ADAMTSL2: variants seen among roughly 807,000 people sequenced by gnomAD.
ADAMTSL2 encodes ADAMTS-like protein 2.
A neutral mutation model predicts 117.0 loss-of-function variants in ADAMTSL2; 55 were observed. The observed-to-expected ratio is 0.47, with a 90% CI of 0.38 to 0.59. ADAMTSL2 has a LOEUF of 0.59. ADAMTSL2 is among the 20% of genes least tolerant of loss of function. The pLI, the probability that ADAMTSL2 is intolerant of heterozygous loss-of-function variation, is 0.00. For missense variants in ADAMTSL2, 1,182 were observed against 1,354.5 expected (o/e 0.87, Z 2.00); for synonymous variants, 572 against 566.4 (o/e 1.01, Z -0.14).
intron 9 of ADAMTSL2, among the ~76,000 whole-genome samples, chr9:133,553,797 G>A (rs996267680): frequency 5.3e-5 from 8 of 152,184 alleles, no homozygotes; most frequent in African/African-American, 1.7e-4. Flanking sequence ...GGGAGAAGCC[G>A]GGCTGCCCCA....
At position 133,540,759 on chromosome 9, in the gene ADAMTSL2, A is replaced by T; in HGVS notation, c.558+16A>T. The T allele has an allele frequency of 6.2e-7, 1 of 1,613,748 alleles. No individual in the cohort carries two copies. Among genetic ancestry groups the T allele is most frequent in the Non-Finnish European group, 8.5e-7 (1 of 1,180,032 alleles). ...AAAATGTGAGGTTGTTAAACGTTGT[A>T]GCAAAAGTACCGCCGGTCTCACTGT... On this transcript the variant is annotated intron_variant, in intron 6 of 18. Coordinates refer to ENST00000651351, the MANE Select transcript of ADAMTSL2 (RefSeq NM_014694.4).
At chr9:133,570,289 C>T in intron 16 of ADAMTSL2, 42 bp from the exon 17 acceptor site, 1 of 1,535,078 alleles carries the variant, frequency 6.5e-7, no homozygotes, top group Non-Finnish European at 8.7e-7. Flanking sequence ...TAGGGTCCTG[C>T]TGGGCCCTGG....
At chr9:133,563,594 G>A (rs1830800209) in intron 12 of ADAMTSL2, among the ~76,000 whole-genome samples, 1 of 152,098 alleles carries the variant, frequency 6.6e-6, no homozygotes, top group South Asian at 2.1e-4. Context: ...CGTGGAAGAT[G>A]TCCCCAGGGA....
intron 18 of ADAMTSL2, 70 bp downstream of exon 18, chr9:133,574,057 AG>A: frequency 6.5e-7 from 1 of 1,538,786 alleles, no homozygotes; most frequent in Non-Finnish European, 8.8e-7. Flanking sequence ...TCAGGGCCTG[AG>A]GGGTGAGCAG....
intron 11 of ADAMTSL2, among the ~76,000 whole-genome samples, chr9:133,556,950 A>C (rs1170815987): frequency 3.3e-5 from 5 of 152,126 alleles, no homozygotes; most frequent in African/African-American, 1.2e-4. Context: ...GGGCTACTTT[A>C]AACAGGCAGT....
At chr9:133,566,794 C>T (rs1830984449) in intron 12 of ADAMTSL2, 142 bp from the exon 13 acceptor site, 1 of 1,120,786 alleles carries the variant, frequency 8.9e-7, no homozygotes, top group South Asian at 1.3e-5. Context: ...GCCCTCATGC[C>T]ACAGTTGCAC....
chr9:133,547,107 A>G lies in ADAMTSL2; in HGVS notation c.833A>G (p.Asn278Ser). 6.2e-7 allele frequency: 1 copy of G among 1,613,840 alleles called. No homozygotes were observed. The highest frequency in any genetic ancestry group is 8.5e-7 in the Non-Finnish European group (1 of 1,179,770). Residue 278 changes from asparagine (N) to serine (S), a missense_variant, in exon 9 of 19, where the codon AAC becomes AGC. Asn to Ser is a conservative substitution (Grantham distance 46). Coordinates refer to ENST00000651351, the MANE Select transcript of ADAMTSL2 (RefSeq NM_014694.4). ...NYKVDSPKNF[N>S]IAGTVVKYRR... ...AAGGTGGACAGCCCCAAGAACTTCA[A>G]CATCGCAGGCACGGTGGTCAAGTAC...
Position 133,555,780 on chromosome 9 carries a change from A to G in ADAMTSL2, c.1499A>G (p.Glu500Gly). 2.5e-6 allele frequency: 4 copies of G among 1,613,976 alleles called. No individual in the cohort carries two copies. Among genetic ancestry groups the G allele is most frequent in the Non-Finnish European group, 2.5e-6 (3 of 1,180,022 alleles). The change falls in exon 11 of 19, where the codon GAG (glutamate) becomes GGG (glycine). Residue 500 changes from glutamate (E) to glycine (G), a missense_variant. By Grantham distance (98) the Glu-to-Gly change is moderately conservative. Transcript: ENST00000651351. Reference protein sequence around the residue: ...SLAESFFVDYEENEGAGPYLL... With the variant: ...SLAESFFVDYGENEGAGPYLL... ...GCCGAGAGCTTCTTCGTGGATTATGAGGAGAACGAGGGGGCTGGCCCTTAC... is the reference window on the plus strand; with the variant it reads ...GCCGAGAGCTTCTTCGTGGATTATGGGGAGAACGAGGGGGCTGGCCCTTAC...
In ADAMTSL2 at chr9:133,556,836, T is replaced by C. The variant is rs894113400; in HGVS notation, c.1649+906T>C. On this transcript the variant is annotated intron_variant, in intron 11 of 18. Transcript: ENST00000651351. ...GGTGACCCCAGACCTGTCGTGTCCC[T>C]ACTGGAGCACAGTCCGTGGTGACAA... 2.6e-5 allele frequency among the ~76,000 whole-genome samples: 4 copies of C among 152,156 alleles called. No homozygotes were observed. In the East Asian group the frequency reaches 7.7e-4, roughly 29 times the overall value.
chr9:133,539,656 G>GCTGTC (rs1352782639), intron 4 of ADAMTSL2, 115 bp from the exon 5 acceptor site: 1 of 969,322 alleles, frequency 1.0e-6, no homozygotes, highest in East Asian at 2.6e-5. Flanking sequence ...CCCCCGCACG[G>GCTGTC]CTGTCCCGGC....
chr9:133,568,462 G>A lies in ADAMTSL2; in HGVS notation c.2064G>A (p.Gln688=), dbSNP rs1453472959. The change falls in exon 14 of 19, where the codon CAG becomes CAA. Residue 688 remains glutamine (Q), a synonymous_variant. Coordinates refer to ENST00000651351, the MANE Select transcript of ADAMTSL2 (RefSeq NM_014694.4). ...GCCGGAACCCCGCCTGCGGGCCCCA[G>A]TGGGAGATGTCGGAGTGGTCCGAGG... ...KTCRNPACGP[Q]WEMSEWSECT... 3 of 1,606,754 alleles carry A rather than the reference G, an allele frequency of 1.9e-6. No homozygotes were observed. The highest frequency in any genetic ancestry group is 3.3e-4 in the Middle Eastern group (2 of 6,036).
rs1354611964 is a variant in ADAMTSL2 at position 133,566,790 on chromosome 9, A to G, written c.1748-146A>G. Reference sequence around the variant, plus strand: ...AGCTCAGACCCACAGTGCTGCCCTCATGCCACAGTTGCACAAGCTGTGACT... The same window carrying G: ...AGCTCAGACCCACAGTGCTGCCCTCGTGCCACAGTTGCACAAGCTGTGACT... On this transcript the variant is annotated intron_variant, in intron 12 of 18. Transcript: ENST00000651351. The G allele has an allele frequency of 5.5e-6, 6 of 1,083,750 alleles. No individual in the cohort carries two copies. In the African/African-American group the frequency reaches 9.3e-5, roughly 17 times the overall value. 67.1% of individuals were successfully genotyped at this position (1,083,750 alleles called of 1,614,324 possible).
intron 5 of ADAMTSL2, among the ~76,000 whole-genome samples, 164 bp from the exon 6 acceptor site, chr9:133,540,434 A>G (rs1014832342): frequency 6.6e-6 from 1 of 152,216 alleles, no homozygotes; most frequent in Admixed American, 6.5e-5. Flanking sequence ...CAGAAGACCC[A>G]TCAGTTTCTG....
Position 133,554,838 on chromosome 9 carries a change from G to A in ADAMTSL2, c.1276+145G>A. 2.8e-6 allele frequency: 2 copies of A among 726,614 alleles called. No homozygotes were observed. The highest frequency in any genetic ancestry group is 2.7e-5 in the East Asian group (1 of 36,568). 45.0% of individuals were successfully genotyped at this position (726,614 alleles called of 1,614,324 possible). On this transcript the variant is annotated intron_variant, in intron 10 of 18. Transcript: ENST00000651351. This position sits in a 1 kb window ranked among gnomAD's most constrained non-coding sequence, Gnocchi z 5.2. ...GCTACCTGCAGATGTCCTCTGGGCA[G>A]GCACAGGGTTGAGGACTTGGGATAG...
chr9:133,553,405 A>C lies in ADAMTSL2; in HGVS notation c.940-952A>C, dbSNP rs1830531774. ...GGTGTCTTTCTCTGCGGCTGCGCAG[A>C]CCCTCACCCTCACCTTTCCATGCCA... is the stretch of plus-strand genomic sequence containing the variant. On this transcript the variant is annotated intron_variant, in intron 9 of 18. Coordinates refer to ENST00000651351, the MANE Select transcript of ADAMTSL2 (RefSeq NM_014694.4). 2.0e-5 allele frequency among the ~76,000 whole-genome samples: 3 copies of C among 151,526 alleles called. No homozygotes were observed. The South Asian group carries it at 6.3e-4, about 32-fold the overall frequency.
At chr9:133,566,720 G>C (rs989768566) in intron 12 of ADAMTSL2, among the ~76,000 whole-genome samples, 1 of 152,062 alleles carries the variant, frequency 6.6e-6, no homozygotes, top group Non-Finnish European at 1.5e-5. Flanking sequence ...AGCTGGGTTG[G>C]GTGGGGCGGG....
At chr9:133,542,943 T>C (rs980757316) in intron 7 of ADAMTSL2, among the ~76,000 whole-genome samples, 2 of 151,810 alleles carry the variant, frequency 1.3e-5, no homozygotes, top group Admixed American at 6.6e-5. Context: ...AATCCTTTAG[T>C]GTCTATAACT....
intron 17 of ADAMTSL2, 131 bp downstream of exon 17, chr9:133,570,638 T>G: frequency 9.7e-7 from 1 of 1,032,420 alleles, no homozygotes; most frequent in Non-Finnish European, 1.4e-6. Context: ...AGGGCTTTCC[T>G]TCCCGGGAAA....
intron 9 of ADAMTSL2, among the ~76,000 whole-genome samples, chr9:133,548,867 C>T (rs1830418324): frequency 6.6e-6 from 1 of 152,226 alleles, no homozygotes; most frequent in African/African-American, 2.4e-5. Context: ...ACGAGTCTGC[C>T]TTGGCAGGGG....
Sources: gnomAD v4.1 joint callset for allele counts (sites outside exome capture counted in the v4.1 genomes callset) on GRCh38, gnomAD v4.1.1 for gene constraint, Gnocchi (gnomAD v3.1) non-coding constraint, MANE v1.5 for transcripts, NCBI Gene and HGNC (gene_info 2026-07-23, HGNC 2026-07-21) for gene names.